SLC12A8: variants seen among roughly 807,000 people sequenced by gnomAD.
The protein encoded by SLC12A8 is solute carrier family 12 member 8, also known as cation-chloride cotransporter 9.
A neutral mutation model predicts 75.6 loss-of-function variants in SLC12A8; 69 were observed. The observed-to-expected ratio is 0.91, with a 90% CI of 0.75 to 1.11. The LOEUF is 1.11. Among genes scored for constraint, SLC12A8 ranks in the 50% most tolerant of loss-of-function variants. The pLI, the probability that SLC12A8 is intolerant of heterozygous loss-of-function variation, is 0.00. For missense variants in SLC12A8, 877 were observed against 896.7 expected, an observed-to-expected ratio of 0.98 and a Z score of 0.28; for synonymous variants, 365 against 372.8, an observed-to-expected ratio of 0.98 and a Z score of 0.24.
intron 6 of SLC12A8, 39 bp downstream of exon 6, chr3:125,135,630 C>A: frequency 1.5e-6 from 2 of 1,354,576 alleles, no homozygotes; most frequent in South Asian, 1.4e-5. Flanking sequence ...GAATGTATAC[C>A]CCTAATTTGA....
intron 2 of SLC12A8, among the ~76,000 whole-genome samples, chr3:125,205,085 G>A (rs561991729): frequency 4.6e-5 from 7 of 151,970 alleles, no homozygotes; most frequent in South Asian, 2.1e-4. Context: ...CCAGACACCC[G>A]GCAACCAGAG....
chr3:125,130,605 AG>A (rs59527522), intron 6 of SLC12A8, among the ~76,000 whole-genome samples: 10 of 58,738 alleles, frequency 1.7e-4, no homozygotes, highest in South Asian at 3.9e-4. Flanking sequence ...AAAAAGAAAA[AG>A]AAAAAGAAAA....
chr3:125,134,239 C>A (rs991628938), intron 6 of SLC12A8, among the ~76,000 whole-genome samples: 3 of 150,908 alleles, frequency 2.0e-5, no homozygotes, highest in South Asian at 4.2e-4. Context: ...GTAGCTGGAA[C>A]TACAGGCATG....
chr3:125,151,961 T>A (rs984500569), intron 5 of SLC12A8, among the ~76,000 whole-genome samples: 4 of 152,196 alleles, frequency 2.6e-5, no homozygotes, highest in African/African-American at 9.7e-5. Flanking sequence ...ATTCTCTATT[T>A]TCTAGAGGAG....
rs575131025 is a variant in SLC12A8, at chr3:125,169,356, G to A, written c.622+8387C>T. Reference sequence around the variant, plus strand: ...CAGTGATGCTTGTTTTTGGAAGGATGGGACAGGAGGTGAAGAAAGGAAGAG... The same window carrying A: ...CAGTGATGCTTGTTTTTGGAAGGATAGGACAGGAGGTGAAGAAAGGAAGAG... On this transcript the variant is annotated intron_variant, in intron 5 of 13. Transcript: ENST00000469902. 3.4e-4 allele frequency among the ~76,000 whole-genome samples: 51 copies of A among 152,224 alleles called. No homozygotes were observed. The South Asian group carries it at 0.01, about 31-fold the overall frequency.
Position 125,135,653 on chromosome 3 carries a change from A to G in SLC12A8, c.736+16T>C. 2 of 1,540,242 alleles carry G rather than the reference A, an allele frequency of 1.3e-6. No individual in the cohort carries two copies. Among genetic ancestry groups the G allele is most frequent in the Non-Finnish European group, 1.8e-6 (2 of 1,134,388 alleles). On this transcript the variant is annotated intron_variant, in intron 6 of 13. Coordinates refer to ENST00000469902, the MANE Select transcript of SLC12A8 (RefSeq NM_024628.6). ...ACCCCTAATTTGAGAGTAAAAAAGAACCCAGATTACAATACCTGTAGCCGC... is the reference window on the plus strand; with the variant it reads ...ACCCCTAATTTGAGAGTAAAAAAGAGCCCAGATTACAATACCTGTAGCCGC...
At chr3:125,202,656 T>G (rs1393735090) in intron 2 of SLC12A8, among the ~76,000 whole-genome samples, 1 of 119,384 alleles carries the variant, frequency 8.4e-6, no homozygotes, top group African/African-American at 3.0e-5. Flanking sequence ...TTTTTAAATC[T>G]GTATCTAATG....
In SLC12A8 at chr3:125,111,902, G is replaced by A. The variant is rs1488090735; in HGVS notation, c.913-1567C>T. Among the ~76,000 whole-genome samples the A allele has an allele frequency of 3.9e-5, 6 of 152,352 alleles. No individual in the cohort carries two copies. In the East Asian group the frequency reaches 1.2e-3, roughly 29 times the overall value. ...GAAAAGGGCAGGACCAAGCCTGGAG[G>A]CACACCCAGCCTCTTCCCCAGGAAC... On this transcript the variant is annotated intron_variant, in intron 8 of 13. Transcript: ENST00000469902.
intron 8 of SLC12A8, 24 bp from the exon 9 acceptor site, chr3:125,110,359 G>A (rs1331718053): frequency 6.9e-6 from 11 of 1,605,274 alleles, no homozygotes; most frequent in African/African-American, 4.0e-5. Context: ...GGTTTCATTC[G>A]CCAGTGCCAG....
At chr3:125,092,470 G>A (rs651630) in intron 10 of SLC12A8, among the ~76,000 whole-genome samples, 61,870 of 152,012 alleles carry the variant, frequency 0.41, 13,805 homozygotes, top group South Asian at 0.58. Context: ...TGGGGCAACT[G>A]GAAGCTCAGC....
At chr3:125,136,767 T>A (rs1334066193) in intron 5 of SLC12A8, among the ~76,000 whole-genome samples, 2 of 152,086 alleles carry the variant, frequency 1.3e-5, no homozygotes, top group African/African-American at 2.4e-5. Flanking sequence ...TTTAACAAAC[T>A]TTTTTCAAGT....
intron 10 of SLC12A8, among the ~76,000 whole-genome samples, chr3:125,094,383 A>T (rs1938660862): frequency 6.6e-6 from 1 of 152,136 alleles, no homozygotes; most frequent in Non-Finnish European, 1.5e-5. Context: ...CTACTCTCTG[A>T]TAGAACAAAT....
intron 5 of SLC12A8, among the ~76,000 whole-genome samples, chr3:125,153,330 G>A (rs1485023853): frequency 2.0e-5 from 3 of 152,170 alleles, no homozygotes; most frequent in Non-Finnish European, 2.9e-5. Context: ...ACTCAGCACC[G>A]CGTGCCATCA....
chr3:125,139,497 A>AC (rs1933574567), intron 5 of SLC12A8, among the ~76,000 whole-genome samples: 1 of 151,234 alleles, frequency 6.6e-6, no homozygotes, highest in African/African-American at 2.4e-5. Flanking sequence ...ACCTATCACC[A>AC]CCCCACCTCA....
chr3:125,128,174 C>CTT (rs1579490329), intron 6 of SLC12A8, among the ~76,000 whole-genome samples: 18 of 94,934 alleles, frequency 1.9e-4, no homozygotes, highest in Admixed American at 6.1e-4. Context: ...CCGGCCTAAG[C>CTT]TTATTTTTAT....
chr3:125,184,219 C>T (rs1169187726), intron 4 of SLC12A8, among the ~76,000 whole-genome samples: 1 of 152,136 alleles, frequency 6.6e-6, no homozygotes, highest in African/African-American at 2.4e-5. Context: ...GATCCACCTG[C>T]CTTGACCTCC....
At chr3:125,098,146 A>C (rs1938764733) in intron 10 of SLC12A8, among the ~76,000 whole-genome samples, 1 of 152,176 alleles carries the variant, frequency 6.6e-6, no homozygotes, top group Non-Finnish European at 1.5e-5. Flanking sequence ...GTGAAAATTC[A>C]CTTCATATCT....
chr3:125,088,819 C>T (rs1252975960), intron 12 of SLC12A8, among the ~76,000 whole-genome samples: 1 of 152,154 alleles, frequency 6.6e-6, no homozygotes, highest in Non-Finnish European at 1.5e-5. Context: ...CAGGATCTGG[C>T]ACTTAAGAAT....
At chr3:125,191,129 G>A (rs1323169137) in intron 2 of SLC12A8, among the ~76,000 whole-genome samples, 2 of 152,104 alleles carry the variant, frequency 1.3e-5, no homozygotes, top group Admixed American at 6.5e-5. Context: ...TAAAATGACT[G>A]AAGTTATTTC....
Sources: allele counts gnomAD v4.1 joint callset (sites outside exome capture counted in the v4.1 genomes callset), GRCh38; gene constraint gnomAD v4.1.1; transcripts MANE v1.5; gene names NCBI Gene and HGNC (gene_info 2026-07-23, HGNC 2026-07-21).